Variants in ACSS3 observed in about 807,000 individuals in gnomAD.
ACSS3 encodes acyl-CoA synthetase short-chain family member 3, mitochondrial.
In ACSS3, 64 loss-of-function variants were observed where a neutral mutation model predicts 84.2. The observed-to-expected ratio is 0.76, with a 90% CI of 0.62 to 0.94. The LOEUF (loss-of-function observed/expected upper bound fraction) is 0.94, where lower values mean the gene tolerates loss of function less well. ACSS3 is among the 40% of genes least tolerant of loss of function. The probability of loss-of-function intolerance (pLI) is 0.00; values close to 1 mark genes in which losing one functional copy is unlikely to be tolerated. For missense variants in ACSS3, 815 were observed against 867.6 expected (o/e 0.94, Z 0.76); for synonymous variants, 317 against 310.1 (o/e 1.02, Z -0.23).
chr12:81,179,653 C>T (rs1435252406), intron 8 of ACSS3, among the ~76,000 whole-genome samples: 2 of 151,732 alleles, frequency 1.3e-5, no homozygotes, highest in African/African-American at 4.8e-5. Flanking sequence ...GCCTGTAATC[C>T]CAGCTACTCG....
chr12:81,144,884 GTTTTCTTTTTTTTCTTTTCTTT>G (rs1171642769), intron 5 of ACSS3, among the ~76,000 whole-genome samples: 3 of 143,504 alleles, frequency 2.1e-5, no homozygotes, highest in African/African-American at 5.1e-5. Flanking sequence ...GCTATTCCAG[GTTTTCTTTTTTTTCTTTTCTTT>G]TTTTTTTTTT....
At chr12:81,236,189 C>A (rs977256493) in intron 13 of ACSS3, among the ~76,000 whole-genome samples, 3 of 151,430 alleles carry the variant, frequency 2.0e-5, no homozygotes, top group Non-Finnish European at 4.4e-5. Context: ...TGAATTTTAT[C>A]AAATGCTTTT....
chr12:81,185,878 G>A (rs574683016), intron 8 of ACSS3, among the ~76,000 whole-genome samples: 76 of 151,574 alleles, frequency 5.0e-4, no homozygotes, highest in Non-Finnish European at 5.5e-4. Context: ...GTATGAAAAT[G>A]TAAAAGACCC....
At chr12:81,098,151 A>AGTGTGTGT (rs1555243703) in intron 1 of ACSS3, among the ~76,000 whole-genome samples, 161 of 129,314 alleles carry the variant, frequency 1.2e-3, no homozygotes, top group Non-Finnish European at 1.8e-3. Flanking sequence ...AGAGAGAGAG[A>AGTGTGTGT]GTGTGTGTGT....
At chr12:81,190,698 A>C (rs1445181379) in intron 8 of ACSS3, among the ~76,000 whole-genome samples, 1 of 152,028 alleles carries the variant, frequency 6.6e-6, no homozygotes, top group Non-Finnish European at 1.5e-5. Context: ...GAAAGCTTTC[A>C]ATATTCATTA....
Position 81,242,621 on chromosome 12 carries a change from C to T in ACSS3, c.1719+9150C>T, listed in dbSNP as rs569172493. ...GCAAAAATCCTCAATAAAATACTGG[C>T]AAACTGAATCCAGCAGCACATCAAA... On this transcript the variant is annotated intron_variant, in intron 13 of 15. Transcript: ENST00000548058. Among the ~76,000 whole-genome samples the T allele has an allele frequency of 1.5e-3, 220 of 147,240 alleles. 1 individual carries two copies. Among genetic ancestry groups the T allele is most frequent in the African/African-American group, 5.0e-3 (203 of 40,492 alleles).
intron 13 of ACSS3, among the ~76,000 whole-genome samples, chr12:81,238,069 G>T (rs1174715078): frequency 2.0e-5 from 3 of 151,608 alleles, no homozygotes; most frequent in African/African-American, 2.4e-5. Flanking sequence ...ATCATGAATG[G>T]GTATTGGATT....
chr12:81,159,984 G>T (rs892355694), intron 7 of ACSS3, among the ~76,000 whole-genome samples: 2 of 152,166 alleles, frequency 1.3e-5, no homozygotes, highest in African/African-American at 2.4e-5. Context: ...AGTGTGTGTT[G>T]TACACATATT....
At chr12:81,163,448 C>T (rs376699706) in intron 7 of ACSS3, among the ~76,000 whole-genome samples, 1 of 150,852 alleles carries the variant, frequency 6.6e-6, no homozygotes, top group African/African-American at 2.4e-5. Flanking sequence ...TTATGTGCAG[C>T]ACATTAATAC....
At chr12:81,253,162 G>T (rs1208174679) in intron 13 of ACSS3, 145 bp from the exon 14 acceptor site, 2 of 749,170 alleles carry the variant, frequency 2.7e-6, no homozygotes, top group African/African-American at 1.8e-5. Context: ...GGCAGCCATG[G>T]ATTTTTGGCT....
At chr12:81,174,345 C>T (rs947842195) in intron 7 of ACSS3, among the ~76,000 whole-genome samples, 2 of 152,074 alleles carry the variant, frequency 1.3e-5, no homozygotes, top group Non-Finnish European at 2.9e-5. Context: ...GGTCATTGCT[C>T]AGGAATCACT....
At chr12:81,148,955 C>T (rs908334919) in intron 5 of ACSS3, among the ~76,000 whole-genome samples, 1 of 150,134 alleles carries the variant, frequency 6.7e-6, no homozygotes, top group Non-Finnish European at 1.5e-5. Context: ...CTCTGTAGTC[C>T]TGTAGTCCCA....
At chr12:81,165,054 T>C (rs370795586) in intron 7 of ACSS3, among the ~76,000 whole-genome samples, 4 of 152,352 alleles carry the variant, frequency 2.6e-5, no homozygotes, top group African/African-American at 9.6e-5. Flanking sequence ...TCAGGCTATA[T>C]AATTTGATCT....
chr12:81,138,109 A>G (rs887950470), intron 3 of ACSS3, among the ~76,000 whole-genome samples: 6 of 152,374 alleles, frequency 3.9e-5, no homozygotes, highest in African/African-American at 1.2e-4. Context: ...TATTATAACT[A>G]GAAATCAGAA....
At position 81,143,091 on chromosome 12, in the gene ACSS3, T is replaced by C. The variant is rs1001587609; in HGVS notation, c.781-16T>C. Reference sequence around the variant, plus strand: ...CTCCTTATTACAGTACATATTCTTATATTTTTGCTGTGTAGGAGGCGGTTC... The same window carrying C: ...CTCCTTATTACAGTACATATTCTTACATTTTTGCTGTGTAGGAGGCGGTTC... On this transcript the variant is annotated splice_polypyrimidine_tract_variant and intron_variant, in intron 4 of 15. Transcript: ENST00000548058. 5.0e-6 allele frequency: 8 copies of C among 1,607,216 alleles called. No homozygotes were observed. In the East Asian group the frequency reaches 8.9e-5, roughly 18 times the overall value.
intron 11 of ACSS3, among the ~76,000 whole-genome samples, chr12:81,221,066 G>A (rs2033089320): frequency 6.6e-6 from 1 of 151,802 alleles, no homozygotes; most frequent in Non-Finnish European, 1.5e-5. Context: ...CATTTGATAG[G>A]CAAAACTGCT....
chr12:81,097,581 C>A (rs1882158691), intron 1 of ACSS3, among the ~76,000 whole-genome samples: 1 of 152,170 alleles, frequency 6.6e-6, no homozygotes, highest in South Asian at 2.1e-4. Flanking sequence ...TAAATGATCA[C>A]CCTCCACTTG....
At chr12:81,197,844 C>G (rs1231593933) in intron 8 of ACSS3, among the ~76,000 whole-genome samples, 1 of 152,108 alleles carries the variant, frequency 6.6e-6, no homozygotes, top group East Asian at 1.9e-4. Flanking sequence ...CTGGTTATTA[C>G]TGCCTTGCCT....
chr12:81,080,598 A>G (rs571423024), intron 1 of ACSS3, among the ~76,000 whole-genome samples: 2 of 152,248 alleles, frequency 1.3e-5, no homozygotes, highest in South Asian at 4.2e-4. Context: ...AGGGAAGTAG[A>G]CGTAGGAGAC....
Sources: allele counts gnomAD v4.1 joint callset (sites outside exome capture counted in the v4.1 genomes callset), GRCh38; gene constraint gnomAD v4.1.1; transcripts MANE v1.5; gene names NCBI Gene and HGNC (gene_info 2026-07-23, HGNC 2026-07-21).